Variants in SUPT3H observed in about 807,000 individuals in gnomAD.
SUPT3H encodes transcription initiation protein SPT3 homolog.
In SUPT3H, 44 loss-of-function variants were observed where a neutral mutation model predicts 44.3. The observed-to-expected ratio is 0.99, with a 90% CI of 0.78 to 1.28. The LOEUF is 1.28. SUPT3H is among the 50% of genes most tolerant of loss of function. The probability of loss-of-function intolerance (pLI) is 0.00; values close to 1 mark genes in which losing one functional copy is unlikely to be tolerated. For missense variants in SUPT3H, 380 were observed against 387.1 expected (o/e 0.98, Z 0.15); for synonymous variants, 124 against 125.6 (o/e 0.99, Z 0.09).
chr6:44,854,842 G>A (rs1336756792), intron 10 of SUPT3H, among the ~76,000 whole-genome samples: 1 of 152,150 alleles, frequency 6.6e-6, no homozygotes, highest in Admixed American at 6.5e-5. Flanking sequence ...CTGGAAAGAT[G>A]ACAGCTATCT....
intron 2 of SUPT3H, among the ~76,000 whole-genome samples, chr6:45,332,954 G>A (rs113692157): frequency 0.02 from 3,082 of 151,652 alleles, 42 homozygotes; most frequent in Non-Finnish European, 0.032. Context: ...ACTGAAGATA[G>A]ATAAAATTCT....
At chr6:44,902,941 C>A (rs943510907) in intron 10 of SUPT3H, among the ~76,000 whole-genome samples, 4 of 152,062 alleles carry the variant, frequency 2.6e-5, no homozygotes, top group Admixed American at 6.6e-5. Context: ...CTGGGTACAT[C>A]ATGAAATGAA....
chr6:45,088,225 T>C (rs1309063832), intron 3 of SUPT3H, among the ~76,000 whole-genome samples: 1 of 152,086 alleles, frequency 6.6e-6, no homozygotes, highest in Non-Finnish European at 1.5e-5. Context: ...TGTTGAGGTA[T>C]CTAAGAATAT....
At chr6:45,161,022 C>A (rs1157827839) in intron 2 of SUPT3H, among the ~76,000 whole-genome samples, 1 of 151,958 alleles carries the variant, frequency 6.6e-6, no homozygotes, top group African/African-American at 2.4e-5. Flanking sequence ...TTCTCAGGAG[C>A]TCTGGTTGTT....
intron 6 of SUPT3H, among the ~76,000 whole-genome samples, chr6:44,974,872 T>C (rs1778098175): frequency 6.6e-6 from 1 of 152,140 alleles, no homozygotes; most frequent in African/African-American, 2.4e-5. Flanking sequence ...CTGCCAGAAA[T>C]GTTAATGAGT....
At chr6:44,999,301 T>G (rs1436579845) in intron 6 of SUPT3H, among the ~76,000 whole-genome samples, 1 of 152,024 alleles carries the variant, frequency 6.6e-6, no homozygotes, top group Non-Finnish European at 1.5e-5. Flanking sequence ...GACAAGGTCT[T>G]GCTATGTTGC....
intron 2 of SUPT3H, among the ~76,000 whole-genome samples, chr6:45,145,897 CAACG>C (rs756178233): frequency 7.2e-5 from 11 of 151,878 alleles, no homozygotes; most frequent in Non-Finnish European, 1.5e-4. Flanking sequence ...TACAAATGGC[CAACG>C]AACATATGAA....
intron 2 of SUPT3H, among the ~76,000 whole-genome samples, chr6:45,293,260 A>G (rs993135416): frequency 2.0e-5 from 3 of 152,208 alleles, no homozygotes; most frequent in African/African-American, 7.2e-5. Flanking sequence ...TGAAATCAAA[A>G]TGGAATTTAA....
chr6:45,104,924 T>A (rs1799068150), intron 3 of SUPT3H, among the ~76,000 whole-genome samples: 1 of 151,852 alleles, frequency 6.6e-6, no homozygotes, highest in Non-Finnish European at 1.5e-5. Context: ...GCTACTAATA[T>A]TCATGAGGAA....
intron 4 of SUPT3H, among the ~76,000 whole-genome samples, chr6:45,016,074 T>C (rs946926721): frequency 6.6e-6 from 1 of 152,144 alleles, no homozygotes; most frequent in African/African-American, 2.4e-5. Context: ...TTATTATCTT[T>C]ATCAAGTATT....
At chr6:44,906,875 T>C (rs1330028140) in intron 10 of SUPT3H, among the ~76,000 whole-genome samples, 1 of 152,248 alleles carries the variant, frequency 6.6e-6, no homozygotes, top group Non-Finnish European at 1.5e-5. Flanking sequence ...TACTCTCAAA[T>C]GCATTAGTAC....
At chr6:45,050,278 A>AGTGTGTGTGT (rs57510967) in intron 3 of SUPT3H, among the ~76,000 whole-genome samples, 36,211 of 147,210 alleles carry the variant, frequency 0.25, 4,961 homozygotes, top group East Asian at 0.41. Flanking sequence ...CTTTTTCTGC[A>AGTGTGTGTGT]GTGTGTGTGT....
intron 2 of SUPT3H, among the ~76,000 whole-genome samples, chr6:45,180,029 C>A (rs1327412508): frequency 6.6e-6 from 1 of 151,692 alleles, no homozygotes; most frequent in South Asian, 2.1e-4. Context: ...TCTCAGGATA[C>A]AAAATTAATG....
intron 2 of SUPT3H, among the ~76,000 whole-genome samples, chr6:45,277,005 GATTTTATATT>G: frequency 6.6e-6 from 1 of 152,168 alleles, no homozygotes; most frequent in Admixed American, 6.5e-5. Context: ...CTTTTCTTAT[GATTTTATATT>G]ACATAAAACT....
chr6:45,159,936 T>C (rs768311698), intron 2 of SUPT3H, among the ~76,000 whole-genome samples: 1 of 152,156 alleles, frequency 6.6e-6, no homozygotes, highest in South Asian at 2.1e-4. Flanking sequence ...TAACACAACA[T>C]AGTCCACAAT....
intron 10 of SUPT3H, among the ~76,000 whole-genome samples, chr6:44,841,273 A>G (rs944623741): frequency 1.3e-5 from 2 of 152,202 alleles, no homozygotes; most frequent in Admixed American, 6.5e-5. Context: ...CCATTATTAT[A>G]TCTCCTGTAA....
intron 2 of SUPT3H, among the ~76,000 whole-genome samples, chr6:45,132,838 C>T (rs781401068): frequency 9.2e-5 from 14 of 152,078 alleles, no homozygotes; most frequent in Admixed American, 2.0e-4. Context: ...TAATTCAATC[C>T]TCATACAAGT....
intron 2 of SUPT3H, among the ~76,000 whole-genome samples, chr6:45,332,518 C>T (rs1168156512): frequency 1.3e-5 from 2 of 151,626 alleles, no homozygotes; most frequent in African/African-American, 4.8e-5. Flanking sequence ...ATACAAATAC[C>T]AATCTTCCAT....
intron 2 of SUPT3H, among the ~76,000 whole-genome samples, chr6:45,283,474 CAA>C (rs952258602): frequency 2.0e-5 from 3 of 152,062 alleles, no homozygotes; most frequent in African/African-American, 7.2e-5. Flanking sequence ...CAACAAAGGT[CAA>C]AAGAGACAAA....
Sources: gnomAD v4.1 joint callset for allele counts (sites outside exome capture counted in the v4.1 genomes callset) on GRCh38, gnomAD v4.1.1 for gene constraint, MANE v1.5 for transcripts, NCBI Gene and HGNC (gene_info 2026-07-23, HGNC 2026-07-21) for gene names.